The following COL17A1 variants were observed in gnomAD, a reference collection of about 807,000 sequenced individuals.
The protein encoded by COL17A1 is collagen alpha-1(XVII) chain.
A neutral mutation model predicts 218.4 loss-of-function variants in COL17A1; 181 were observed. The observed-to-expected ratio is 0.83, with a 90% confidence interval of 0.73 to 0.94. The LOEUF (loss-of-function observed/expected upper bound fraction) is 0.94. COL17A1 is among the 40% of genes least tolerant of loss of function. The pLI is 0.00. For synonymous variants in COL17A1, 721 were observed against 731.0 expected (o/e 0.99, Z 0.22); for missense variants, 1,924 against 1,945.9 (o/e 0.99, Z 0.21).
intron 20 of COL17A1, 72 bp downstream of exon 20, chr10:104,054,909 G>C: frequency 6.2e-7 from 1 of 1,610,446 alleles, no homozygotes; most frequent in Non-Finnish European, 8.5e-7. Context: ...TGGGTTTTCT[G>C]ACACTTGCTG....
chr10:104,039,657 G>A lies in COL17A1; in HGVS notation c.2789-17C>T. The stretch of plus-strand genomic sequence containing the variant: ...CTTGCTCGCCTGAGGAACACACCAA[G>A]GGAGGGACAGTCAGCCTCACTTTTC... On this transcript the variant is annotated splice_polypyrimidine_tract_variant and intron_variant, in intron 41 of 55. Coordinates refer to ENST00000648076, the MANE Select transcript of COL17A1 (RefSeq NM_000494.4). 6.2e-7 allele frequency: 1 copy of A among 1,614,110 alleles called. No homozygotes were observed. The highest frequency in any genetic ancestry group is 1.3e-5 in the African/African-American group (1 of 75,010).
At position 104,040,313 on chromosome 10, in the gene COL17A1, C is replaced by T. The variant is rs2086345643; in HGVS notation, c.2761+38G>A. The T allele has an allele frequency of 2.1e-6, 3 of 1,425,052 alleles. No homozygotes were observed. In the South Asian group the frequency reaches 3.4e-5, roughly 16 times the overall value. 88.3% of individuals were successfully genotyped at this position (1,425,052 alleles called of 1,614,324 possible). ...GCAACCAGCAGGTAAACAGAGGACA[C>T]ATACTGGCTTCTGGGTTCCCTGATA... On this transcript the variant is annotated intron_variant, in intron 40 of 55. Coordinates refer to ENST00000648076, the MANE Select transcript of COL17A1 (RefSeq NM_000494.4).
Position 104,055,481 on chromosome 10 carries a change from CAA to C in COL17A1, c.1688-82_1688-81del, listed in dbSNP as rs1491100028. The C allele has an allele frequency of 4.6e-3, 6,879 of 1,491,922 alleles. 330 individuals are homozygous for C. Among genetic ancestry groups the C allele is most frequent in the African/African-American group, 6.2e-3 (436 of 70,260 alleles). 92.4% of individuals were successfully genotyped at this position (1,491,922 alleles called of 1,614,324 possible). Reference sequence around the variant, plus strand: ...ACACACACACACACACACACACACACAATAAGGGGATCATGGTATGGGAAGAA... The same window carrying C: ...ACACACACACACACACACACACACACTAAGGGGATCATGGTATGGGAAGAA... On this transcript the variant is annotated intron_variant, in intron 18 of 55. Coordinates refer to ENST00000648076, the MANE Select transcript of COL17A1 (RefSeq NM_000494.4).
intron 32 of COL17A1, among the ~76,000 whole-genome samples, chr10:104,046,339 C>G (rs1362416460): frequency 6.6e-6 from 1 of 152,214 alleles, no homozygotes; most frequent in Non-Finnish European, 1.5e-5. Flanking sequence ...GGCTTTAACA[C>G]TGAGGCTGTC....
chr10:104,056,517 G>A (rs1177747231), intron 17 of COL17A1, among the ~76,000 whole-genome samples: 2 of 152,030 alleles, frequency 1.3e-5, no homozygotes, highest in Admixed American at 1.3e-4. Flanking sequence ...AGGAGGCGGA[G>A]GTTGCAGTGA....
At chr10:104,052,287 T>A in intron 23 of COL17A1, 70 bp from the exon 24 acceptor site, 1 of 1,598,464 alleles carries the variant, frequency 6.3e-7, no homozygotes, top group South Asian at 1.1e-5. Flanking sequence ...CCTGGCACTG[T>A]CATTTGGAGG....
intron 44 of COL17A1, among the ~76,000 whole-genome samples, 162 bp from the exon 45 acceptor site, chr10:104,038,690 C>G (rs1462088626): frequency 6.6e-6 from 1 of 152,086 alleles, no homozygotes; most frequent in Non-Finnish European, 1.5e-5. Context: ...AAAGGACAGC[C>G]TGTAACAGCC....
chr10:104,069,947 G>C (rs1275338363), intron 9 of COL17A1, among the ~76,000 whole-genome samples: 5 of 152,138 alleles, frequency 3.3e-5, no homozygotes, highest in Admixed American at 3.3e-4. Context: ...GGGCAAATGG[G>C]AAGTGTATAA....
At position 104,033,154 on chromosome 10, in the gene COL17A1, C is replaced by G; in HGVS notation, c.4294+84G>C. On this transcript the variant is annotated intron_variant, in intron 53 of 55. Coordinates refer to ENST00000648076, the MANE Select transcript of COL17A1 (RefSeq NM_000494.4). Reference sequence around the variant, plus strand: ...CTCAAATGTTAATAACTGGAGATTTCTCATGAGACTGGTGTCTCTGGAGCA... The same window carrying G: ...CTCAAATGTTAATAACTGGAGATTTGTCATGAGACTGGTGTCTCTGGAGCA... 5.2e-6 allele frequency: 8 copies of G among 1,545,574 alleles called. No individual in the cohort carries two copies. In the South Asian group the frequency reaches 9.5e-5, roughly 18 times the overall value.
rs150738577 is a variant in COL17A1, at chr10:104,055,879, C to G, written c.1590G>C (p.Ala530=). ...EKDRLQGMAP[A]AGADLDKIGL... is the part of the protein sequence containing the mutation. ...CAATTTTGTCCAGGTCTGCTCCCGC[C>G]GCGGGTGCCATGCCCTGGAGGCGGT... The change falls in exon 18 of 56, where the codon GCG becomes GCC. Residue 530 remains alanine (A), a synonymous_variant. Transcript: ENST00000648076. The G allele has an allele frequency of 6.2e-7, 1 of 1,614,090 alleles. No individual in the cohort carries two copies. Among genetic ancestry groups the G allele is most frequent in the Non-Finnish European group, 8.5e-7 (1 of 1,180,042 alleles).
At position 104,038,405 on chromosome 10, in the gene COL17A1, C is replaced by G; in HGVS notation, c.3070+1G>C. The G allele has an allele frequency of 6.2e-7, 1 of 1,613,830 alleles. No individual in the cohort carries two copies. The highest frequency in any genetic ancestry group is 8.5e-7 in the Non-Finnish European group (1 of 1,180,014). Reference sequence around the variant, plus strand: ...ACGGCTTGCGGCGGCCAGCTACTCACTCTGCATGTACTCAGAGATGTACTG... The same window carrying G: ...ACGGCTTGCGGCGGCCAGCTACTCAGTCTGCATGTACTCAGAGATGTACTG... On this transcript the variant is annotated splice_donor_variant, in intron 45 of 55. Transcript: ENST00000648076. LOFTEE classifies it high-confidence loss of function.
At chr10:104,045,863 T>C in intron 32 of COL17A1, 70 bp from the exon 33 acceptor site, 1 of 1,240,188 alleles carries the variant, frequency 8.1e-7, no homozygotes. Context: ...GGGTGGTCAC[T>C]AGTGCTCCGT....
At chr10:104,036,075 GGAGTGTGTATGGGAGT>G (rs2086288603) in intron 48 of COL17A1, among the ~76,000 whole-genome samples, 1 of 56,864 alleles carries the variant, frequency 1.8e-5, no homozygotes, top group Non-Finnish European at 3.6e-5. Context: ...TATGTGTATG[GGAGTGTGTATGGGAGT>G]GTGTGTGTAT....
At chr10:104,067,696 G>C (rs770484589) in intron 9 of COL17A1, among the ~76,000 whole-genome samples, 1 of 152,134 alleles carries the variant, frequency 6.6e-6, no homozygotes, top group Admixed American at 6.5e-5. Context: ...CTGCAGAGCC[G>C]AAGCAAACAG....
chr10:104,038,374 G>C, intron 45 of COL17A1, 32 bp downstream of exon 45: 1 of 1,613,346 alleles, frequency 6.2e-7, no homozygotes, highest in Non-Finnish European at 8.5e-7. Context: ...CCATGTTCTT[G>C]TCCCCACGGC....
intron 32 of COL17A1, among the ~76,000 whole-genome samples, chr10:104,046,507 G>A (rs190432167): frequency 9.3e-4 from 142 of 152,272 alleles, no homozygotes; most frequent in Non-Finnish European, 1.8e-3. Context: ...GGGGAACAGG[G>A]CACAGGCAGA....
At chr10:104,053,468 C>T (rs922113534) in intron 22 of COL17A1, among the ~76,000 whole-genome samples, 2 of 152,160 alleles carry the variant, frequency 1.3e-5, no homozygotes, top group Non-Finnish European at 2.9e-5. Context: ...AGAGGTCTTC[C>T]CCTTCCTGAT....
intron 3 of COL17A1, among the ~76,000 whole-genome samples, 166 bp downstream of exon 3, chr10:104,078,376 T>C (rs1056491980): frequency 6.6e-6 from 1 of 152,162 alleles, no homozygotes; most frequent in Non-Finnish European, 1.5e-5. Flanking sequence ...TAGCAATCAC[T>C]GAATTATACA....
At chr10:104,056,683 C>T (rs1289403223) in intron 17 of COL17A1, among the ~76,000 whole-genome samples, 3 of 152,176 alleles carry the variant, frequency 2.0e-5, no homozygotes, top group African/African-American at 7.2e-5. Flanking sequence ...GACCTTGTTA[C>T]CAAGGGCAGC....
Sources: allele counts gnomAD v4.1 joint callset (sites outside exome capture counted in the v4.1 genomes callset), GRCh38; gene constraint gnomAD v4.1.1; transcripts MANE v1.5; gene names NCBI Gene and HGNC (gene_info 2026-07-23, HGNC 2026-07-21).